DMXL1: variants seen among roughly 807,000 people sequenced by gnomAD.
DMXL1 encodes the protein dmX-like protein 1.
A neutral mutation model predicts 319.2 loss-of-function variants in DMXL1; 99 were observed. The ratio of observed to expected loss-of-function variants is 0.31; its 90% CI spans 0.26 to 0.37. The LOEUF (loss-of-function observed/expected upper bound fraction) is 0.37. Ranked by LOEUF, DMXL1 falls within the 10% of genes least tolerant of loss-of-function variation. The probability of loss-of-function intolerance (pLI) is 1.00; values close to 1 mark genes in which losing one functional copy is unlikely to be tolerated. For synonymous variants in DMXL1, 1,385 were observed against 1,235.2 expected, an observed-to-expected ratio of 1.12 and a Z score of -2.54; for missense variants, 3,745 against 3,595.6, an observed-to-expected ratio of 1.04 and a Z score of -1.06.
rs1178018194 is a variant in DMXL1, at chr5:119,082,207, G to C, written c.87+10551G>C. On this transcript the variant is annotated intron_variant, in intron 1 of 43. Transcript: ENST00000539542. Reference sequence around the variant, plus strand: ...ACTCACTGCAGCCTCAAACTCTTGAGTTTAAACAGTCATGCTACCTCAGCC... The same window carrying C: ...ACTCACTGCAGCCTCAAACTCTTGACTTTAAACAGTCATGCTACCTCAGCC... Among the ~76,000 whole-genome samples the C allele has an allele frequency of 4.6e-5, 7 of 152,160 alleles. No homozygotes were observed. In the East Asian group the frequency reaches 1.3e-3, roughly 29 times the overall value.
intron 4 of DMXL1, among the ~76,000 whole-genome samples, chr5:119,105,917 A>T (rs2149820037): frequency 6.6e-6 from 1 of 151,004 alleles, no homozygotes; most frequent in African/African-American, 2.4e-5. Context: ...AAAAAGGAAG[A>T]AAATATAATG....
intron 25 of DMXL1, among the ~76,000 whole-genome samples, chr5:119,173,036 T>G (rs958227816): frequency 1.1e-4 from 16 of 152,172 alleles, no homozygotes; most frequent in Admixed American, 3.3e-4. Context: ...AGTTACCTTT[T>G]GCTGCTTAAG....
At chr5:119,177,610 G>A (rs1272021133) in intron 27 of DMXL1, 126 bp downstream of exon 27, 3 of 714,338 alleles carry the variant, frequency 4.2e-6, no homozygotes, top group Non-Finnish European at 6.5e-6. Flanking sequence ...TACCAGTTAA[G>A]TATTCACCAC....
intron 38 of DMXL1, among the ~76,000 whole-genome samples, chr5:119,226,991 C>G (rs1435614838): frequency 1.3e-5 from 2 of 152,148 alleles, no homozygotes; most frequent in African/African-American, 2.4e-5. Flanking sequence ...TCTCCTTGTT[C>G]AAGAGTTTTT....
intron 29 of DMXL1, among the ~76,000 whole-genome samples, chr5:119,191,548 T>G (rs1778700075): frequency 6.6e-6 from 1 of 152,208 alleles, no homozygotes; most frequent in South Asian, 2.1e-4. Context: ...AGAGTTTTGC[T>G]GGATATAGGA....
intron 13 of DMXL1, among the ~76,000 whole-genome samples, chr5:119,136,106 A>G (rs1463254549): frequency 6.6e-6 from 1 of 152,230 alleles, no homozygotes; most frequent in African/African-American, 2.4e-5. Context: ...TCTCTGATGG[A>G]GATGACGAAC....
At chr5:119,142,384 C>T (rs922315425) in intron 13 of DMXL1, among the ~76,000 whole-genome samples, 2 of 151,946 alleles carry the variant, frequency 1.3e-5, no homozygotes, top group South Asian at 4.1e-4. Flanking sequence ...AGGACATGAG[C>T]ACTTTTCAAA....
chr5:119,205,093 C>T (rs1363275194), intron 33 of DMXL1, among the ~76,000 whole-genome samples: 1 of 151,932 alleles, frequency 6.6e-6, no homozygotes, highest in African/African-American at 2.4e-5. Context: ...GACCTGAGTA[C>T]CTTGGTGTAA....
At chr5:119,100,945 T>A (rs1407152564) in intron 2 of DMXL1, among the ~76,000 whole-genome samples, 1 of 60,616 alleles carries the variant, frequency 1.6e-5, no homozygotes, top group Admixed American at 2.7e-4. Context: ...GCCCGGCTAA[T>A]TTTTTTTTGT....
chr5:119,120,852 A>G (rs964839974), intron 8 of DMXL1, 119 bp from the exon 9 acceptor site: 24 of 783,294 alleles, frequency 3.1e-5, no homozygotes, highest in Non-Finnish European at 4.3e-5. Context: ...GCGTTTTTAC[A>G]TATAAAACAT....
intron 19 of DMXL1, among the ~76,000 whole-genome samples, chr5:119,157,946 A>T: frequency 6.6e-6 from 1 of 152,176 alleles, no homozygotes; most frequent in Non-Finnish European, 1.5e-5. Flanking sequence ...AATTTAACAA[A>T]TTAATTTTTC....
At chr5:119,098,783 A>T (rs1480957882) in intron 2 of DMXL1, among the ~76,000 whole-genome samples, 1 of 152,218 alleles carries the variant, frequency 6.6e-6, no homozygotes. Flanking sequence ...CCATATAGGC[A>T]TAGGTGGTAA....
intron 19 of DMXL1, among the ~76,000 whole-genome samples, chr5:119,160,949 A>C (rs1307525221): frequency 6.6e-6 from 1 of 152,166 alleles, no homozygotes; most frequent in East Asian, 1.9e-4. Flanking sequence ...TATTCCAAAT[A>C]TTCGTCAGTC....
At chr5:119,194,388 A>C (rs1298272422) in intron 30 of DMXL1, among the ~76,000 whole-genome samples, 1 of 152,222 alleles carries the variant, frequency 6.6e-6, no homozygotes, top group African/African-American at 2.4e-5. Flanking sequence ...GTCAATAGGT[A>C]CTATCTTCAA....
intron 13 of DMXL1, among the ~76,000 whole-genome samples, chr5:119,142,221 G>A (rs1246271583): frequency 6.6e-6 from 1 of 151,708 alleles, no homozygotes; most frequent in African/African-American, 2.4e-5. Context: ...TCATGACAAA[G>A]ACATCAAAAG....
Position 119,171,045 on chromosome 5 carries a change from C to T in DMXL1, c.6254C>T (p.Ser2085Phe). 6.2e-7 allele frequency: 1 copy of T among 1,613,780 alleles called. No homozygotes were observed. Among genetic ancestry groups the T allele is most frequent in the Non-Finnish European group, 8.5e-7 (1 of 1,179,860 alleles). ...TGCTCAGATGCTGAAGAACTACAGT[C>T]TGCATTTGGCAGAAATGAAGATGAA... ...DFCSDAEELQ[S>F]AFGRNEDEFG... Residue 2085 changes from serine to phenylalanine, a missense_variant, in exon 24 of 44, where the codon TCT becomes TTT. By Grantham distance (155) the Ser-to-Phe change is radical (BLOSUM62 -2). Around this residue, in one of 4 missense-constraint regions of DMXL1, gnomAD observed 1,382 missense variants for 1,269.5 expected, o/e 1.09. Transcript: ENST00000539542.
At chr5:119,130,122 T>G in intron 10 of DMXL1, among the ~76,000 whole-genome samples, 1 of 152,284 alleles carries the variant, frequency 6.6e-6, no homozygotes, top group Non-Finnish European at 1.5e-5. Flanking sequence ...TTTAATTTGT[T>G]TAATTTTTAA....
rs1023079026 is a variant in DMXL1, at chr5:119,146,880, A to T, written c.2613A>T (p.Val871=). 1 of 1,611,308 alleles carries T rather than the reference A, an allele frequency of 6.2e-7. No homozygotes were observed. Among genetic ancestry groups the T allele is most frequent in the African/African-American group, 1.3e-5 (1 of 74,818 alleles). The change falls in exon 16 of 44, where the codon GTA becomes GTT. Residue 871 remains valine, a synonymous_variant. Transcript: ENST00000539542. The part of the protein sequence containing the change: ...NGFSEKFYLI[V]IECTQDNRSL... ...TTTCTGAGAAGTTCTACCTAATTGTAATAGAATGCACTCAAGACAACCGTT... is the reference window on the plus strand; with the variant it reads ...TTTCTGAGAAGTTCTACCTAATTGTTATAGAATGCACTCAAGACAACCGTT...
intron 9 of DMXL1, among the ~76,000 whole-genome samples, chr5:119,123,735 A>G (rs985749342): frequency 2.4e-4 from 37 of 151,698 alleles, no homozygotes; most frequent in African/African-American, 7.0e-4. Flanking sequence ...GCCTCAAGCA[A>G]TCTTCTTGCC....
Sources: gnomAD v4.1 joint callset for allele counts (sites outside exome capture counted in the v4.1 genomes callset) on GRCh38, gnomAD v4.1.1 for gene constraint, gnomAD v4.1.1 regional missense constraint, MANE v1.5 for transcripts, NCBI Gene and HGNC (gene_info 2026-07-23, HGNC 2026-07-21) for gene names.